The following COQ9 variants were observed in gnomAD, a reference collection of about 807,000 sequenced individuals.
COQ9 encodes ubiquinone biosynthesis protein COQ9, mitochondrial.
COQ9 carries 35 observed loss-of-function variants against 42.4 expected under a neutral mutation model. That is an observed-to-expected ratio of 0.83 (90% confidence interval 0.63 to 1.10). COQ9 has a LOEUF of 1.10. COQ9 is among the 50% of genes least tolerant of loss of function. The pLI, the probability that COQ9 is intolerant of heterozygous loss-of-function variation, is 0.00. For missense variants in COQ9, 406 were observed against 414.6 expected, an observed-to-expected ratio of 0.98 and a Z score of 0.18; for synonymous variants, 155 against 155.1, an observed-to-expected ratio of 1.00 and a Z score of 0.00.
Position 57,452,866 on chromosome 16 carries a change from T to C in COQ9, c.308T>C (p.Ile103Thr). The change falls in exon 3 of 9, where the codon ATC becomes ACC. Residue 103 changes from isoleucine (I) to threonine (T), a missense_variant. Transcript: ENST00000262507. ...AGTGAGGAGCAGTTGCAGCACCGCA[T>C]CCTGACGGCAGCCCTTGAGTTTGTG... ...YESEEQLQHRILTAALEFVPA... is the reference protein window; with the variant it reads ...YESEEQLQHRTLTAALEFVPA... 2 of 1,613,852 alleles carry C rather than the reference T, an allele frequency of 1.2e-6. No individual in the cohort carries two copies. Among genetic ancestry groups the C allele is most frequent in the Non-Finnish European group, 8.5e-7 (1 of 1,180,020 alleles).
In COQ9 at chr16:57,460,684, T is replaced by A; in HGVS notation, c.*60T>A. The A allele has an allele frequency of 6.6e-7, 1 of 1,521,156 alleles. No homozygotes were observed. Among genetic ancestry groups the A allele is most frequent in the Non-Finnish European group, 9.1e-7 (1 of 1,096,472 alleles). 94.2% of individuals were successfully genotyped at this position (1,521,156 alleles called of 1,614,324 possible). ...AATGAGCGGACAGATTGAAAGAGCT[T>A]TGAAAAGTATAAGGTGCCATCCACA... On this transcript the variant is annotated 3_prime_UTR_variant, in exon 9 of 9. Transcript: ENST00000262507.
At chr16:57,452,961 A>G (rs746260915) in intron 3 of COQ9, 25 bp downstream of exon 3, 5 of 1,612,862 alleles carry the variant, frequency 3.1e-6, no homozygotes, top group South Asian at 1.1e-5. Flanking sequence ...GGGTGGGGCC[A>G]CCTAACCAAG....
At chr16:57,458,904 G>A (rs2030464969) in intron 6 of COQ9, among the ~76,000 whole-genome samples, 1 of 152,180 alleles carries the variant, frequency 6.6e-6, no homozygotes, top group Non-Finnish European at 1.5e-5. Flanking sequence ...GTGGAATCCT[G>A]GATGAGGAGG....
At position 57,451,225 on chromosome 16, in the gene COQ9, C is replaced by T; in HGVS notation, c.242+17C>T. 6.2e-7 allele frequency: 1 copy of T among 1,613,828 alleles called. No homozygotes were observed. Among genetic ancestry groups the T allele is most frequent in the African/African-American group, 1.3e-5 (1 of 75,046 alleles). The stretch of plus-strand genomic sequence containing the variant: ...ACCCCCCAGGTAGGCACCAATCCAC[C>T]TATTTCTGGCCACTTCATATGCTTC... On this transcript the variant is annotated intron_variant, in intron 2 of 8. Transcript: ENST00000262507.
rs940513249 is a variant in COQ9, at chr16:57,456,756, T to C, written c.521+110T>C. On this transcript the variant is annotated intron_variant, in intron 4 of 8. Coordinates refer to ENST00000262507, the MANE Select transcript of COQ9 (RefSeq NM_020312.4). Reference sequence around the variant, plus strand: ...CAAGCAGAACCCAAAGAGAGCAGCATTGGGCAGCCCTGCTGCTGTGATGGG... The same window carrying C: ...CAAGCAGAACCCAAAGAGAGCAGCACTGGGCAGCCCTGCTGCTGTGATGGG... The C allele has an allele frequency of 1.2e-5, 17 of 1,413,214 alleles. No homozygotes were observed. The South Asian group carries it at 1.3e-4, about 11-fold the overall frequency. 87.5% of individuals were successfully genotyped at this position (1,413,214 alleles called of 1,614,324 possible).
chr16:57,448,682 G>T (rs2030201670), intron 1 of COQ9, among the ~76,000 whole-genome samples: 1 of 151,754 alleles, frequency 6.6e-6, no homozygotes, highest in Admixed American at 6.6e-5. Context: ...CAAAGTGTTG[G>T]GATTACAGGT....
At chr16:57,456,859 C>G in intron 4 of COQ9, 72 bp from the exon 5 acceptor site, 1 of 1,429,428 alleles carries the variant, frequency 7.0e-7, no homozygotes, top group South Asian at 1.2e-5. Flanking sequence ...CTCCCTAGGG[C>G]TGAGTAAACC....
chr16:57,455,436 G>A (rs2030380375), intron 3 of COQ9, among the ~76,000 whole-genome samples: 1 of 149,768 alleles, frequency 6.7e-6, no homozygotes, highest in South Asian at 2.1e-4. Context: ...ATGGAAGTCA[G>A]TGAGATTGTC....
chr16:57,456,680 G>A (rs540993654), intron 4 of COQ9, 34 bp downstream of exon 4: 2 of 1,606,354 alleles, frequency 1.2e-6, no homozygotes, highest in South Asian at 2.2e-5. Flanking sequence ...CAGGGTGGCA[G>A]CTAAGGATCA....
intron 4 of COQ9, 80 bp downstream of exon 4, chr16:57,456,726 C>A: frequency 1.3e-6 from 2 of 1,526,832 alleles, no homozygotes; most frequent in African/African-American, 1.4e-5. Context: ...CCCAGGAGGC[C>A]AATCCAAGCA....
At chr16:57,457,200 T>A (rs762651032) in intron 5 of COQ9, 185 bp downstream of exon 5, 20 of 678,264 alleles carry the variant, frequency 2.9e-5, no homozygotes, top group Non-Finnish European at 5.4e-5. Flanking sequence ...AGAGAGTGAC[T>A]GAGCCATCTG....
At chr16:57,452,734 G>A (rs1449788459) in intron 2 of COQ9, 67 bp from the exon 3 acceptor site, 1 of 1,586,690 alleles carries the variant, frequency 6.3e-7, no homozygotes, top group African/African-American at 1.3e-5. Context: ...AGAGCCCCTA[G>A]TTTCTGGTCA....
At chr16:57,453,322 A>C (rs974046967) in intron 3 of COQ9, 2 of 320,272 alleles carry the variant, frequency 6.2e-6, no homozygotes, top group Non-Finnish European at 1.2e-5. Flanking sequence ...CTGATTTTTT[A>C]AAATGAAAAA....
At position 57,450,895 on chromosome 16, in the gene COQ9, T is replaced by C. The variant is rs535170039; in HGVS notation, c.74-145T>C. 40 of 917,138 alleles carry C rather than the reference T, an allele frequency of 4.4e-5. No homozygotes were observed. In the South Asian group the frequency reaches 5.6e-4, roughly 13 times the overall value. The allele number at this position is 917,138 out of a possible 1,614,324, so 56.8% of individuals were successfully genotyped here. A position where few individuals can be genotyped will look rare whatever the true frequency, so the allele number is the denominator to read the frequency against. ...GTCCCAAAGTTCCCAGTTTACCCAA[T>C]ATTTTTGTGTGGGACCCAACACTTG... On this transcript the variant is annotated intron_variant, in intron 1 of 8. Transcript: ENST00000262507.
At chr16:57,450,412 C>CAAAA (rs59815351) in intron 1 of COQ9, among the ~76,000 whole-genome samples, 48 of 92,410 alleles carry the variant, frequency 5.2e-4, no homozygotes, top group Admixed American at 3.2e-3. Flanking sequence ...GAGACTCTGA[C>CAAAA]AAAAAAAAAA....
intron 3 of COQ9, 73 bp downstream of exon 3, chr16:57,453,009 G>T: frequency 6.3e-7 from 1 of 1,586,920 alleles, no homozygotes; most frequent in Non-Finnish European, 8.6e-7. Flanking sequence ...AGAGCGGGGG[G>T]CCTCATGCCT....
intron 1 of COQ9, among the ~76,000 whole-genome samples, chr16:57,448,804 A>G (rs2030205801): frequency 6.6e-6 from 1 of 152,188 alleles, no homozygotes; most frequent in Non-Finnish European, 1.5e-5. Flanking sequence ...AAATGAAGGT[A>G]TGTGTCTACA....
intron 1 of COQ9, among the ~76,000 whole-genome samples, chr16:57,450,121 A>AT (rs2030246858): frequency 6.6e-6 from 1 of 152,130 alleles, no homozygotes; most frequent in African/African-American, 2.4e-5. Flanking sequence ...GTGTTTGAAA[A>AT]TTTTTATAAT....
At chr16:57,450,472 T>A (rs966230538) in intron 1 of COQ9, among the ~76,000 whole-genome samples, 2 of 150,230 alleles carry the variant, frequency 1.3e-5, no homozygotes, top group African/African-American at 2.4e-5. Context: ...TAAAAAATAC[T>A]ATGAGTTTAT....
Sources: gnomAD v4.1 joint callset for allele counts (sites outside exome capture counted in the v4.1 genomes callset) on GRCh38, gnomAD v4.1.1 for gene constraint, MANE v1.5 for transcripts, NCBI Gene and HGNC (gene_info 2026-07-23, HGNC 2026-07-21) for gene names.